SLC25A48: variants seen among roughly 807,000 people sequenced by gnomAD.
The protein encoded by SLC25A48 is solute carrier family 25 member 48, also known as CTC-321K16.1.
Under a neutral mutation model 32.2 loss-of-function variants are expected in SLC25A48, and 29 were observed. The observed-to-expected ratio is 0.90, with a 90% CI of 0.67 to 1.23. The LOEUF (loss-of-function observed/expected upper bound fraction) is 1.23. Among genes scored for constraint, SLC25A48 ranks in the 50% most tolerant of loss-of-function variants. The pLI is 0.00. For synonymous variants in SLC25A48, 164 were observed against 172.3 expected (o/e 0.95, Z 0.38); for missense variants, 399 against 422.7 (o/e 0.94, Z 0.49).
chr5:135,809,024 G>C (rs770303002), intron 3 of SLC25A48, among the ~76,000 whole-genome samples: 19 of 152,056 alleles, frequency 1.2e-4, no homozygotes, highest in Non-Finnish European at 2.1e-4. Flanking sequence ...TTATAGGCTG[G>C]GTCGGGGGGG....
intron 2 of SLC25A48, among the ~76,000 whole-genome samples, chr5:135,847,711 G>A (rs944975552): frequency 3.9e-5 from 6 of 152,102 alleles, no homozygotes; most frequent in East Asian, 1.9e-4. Context: ...CTGGGGCTCC[G>A]GGAAAGAGGG....
At chr5:135,642,778 C>G (rs564580720) in intron 3 of SLC25A48, among the ~76,000 whole-genome samples, 30 of 152,198 alleles carry the variant, frequency 2.0e-4, no homozygotes, top group African/African-American at 7.0e-4. Context: ...GCGAGTGGTT[C>G]CAGACAAAAG....
chr5:135,728,618 ACTATGTCT>A (rs1419114459), intron 3 of SLC25A48, among the ~76,000 whole-genome samples: 6 of 152,148 alleles, frequency 3.9e-5, no homozygotes. Flanking sequence ...ATATCTTAAA[ACTATGTCT>A]CTGAAAACAT....
chr5:135,672,430 C>T (rs2126943255), intron 3 of SLC25A48, among the ~76,000 whole-genome samples: 1 of 152,312 alleles, frequency 6.6e-6, no homozygotes, highest in Non-Finnish European at 1.5e-5. Flanking sequence ...ATTAGTCCAT[C>T]ACCAGACAGG....
intron 1 of SLC25A48, among the ~76,000 whole-genome samples, chr5:135,623,343 G>A (rs1400072108): frequency 6.6e-6 from 1 of 152,196 alleles, no homozygotes; most frequent in East Asian, 1.9e-4. Context: ...GGCCAAGACA[G>A]CTGGTGGGGA....
intron 3 of SLC25A48, among the ~76,000 whole-genome samples, chr5:135,808,555 T>C (rs1757523028): frequency 6.6e-6 from 1 of 152,160 alleles, no homozygotes; most frequent in Non-Finnish European, 1.5e-5. Context: ...GGCTGCCTTC[T>C]GCGTGTAGGC....
At chr5:135,831,832 T>C (rs1409695192), upstream of SLC25A48, among the ~76,000 whole-genome samples, 2 of 152,190 alleles carry the variant, frequency 1.3e-5, no homozygotes, top group African/African-American at 2.4e-5. Flanking sequence ...AGAAGCTCAC[T>C]GGGGCAGTAG....
chr5:135,671,498 C>A (rs1753653177), intron 3 of SLC25A48, among the ~76,000 whole-genome samples: 1 of 152,162 alleles, frequency 6.6e-6, no homozygotes, highest in Non-Finnish European at 1.5e-5. Context: ...GAAACCCACC[C>A]AAGAGTCTGT....
intron 3 of SLC25A48, among the ~76,000 whole-genome samples, chr5:135,661,734 T>C (rs1753401751): frequency 6.6e-6 from 1 of 152,176 alleles, no homozygotes; most frequent in African/African-American, 2.4e-5. Context: ...ACTATGCACA[T>C]TGCCTCACTA....
At chr5:135,747,000 G>GT (rs1036044373) in intron 3 of SLC25A48, among the ~76,000 whole-genome samples, 7 of 145,802 alleles carry the variant, frequency 4.8e-5, no homozygotes, top group South Asian at 2.1e-4. Context: ...TTTTGTTGTT[G>GT]TTTTTTTTTC....
At position 135,698,956 on chromosome 5, in the gene SLC25A48, C is replaced by T. The variant is rs536560596; in HGVS notation, c.-521+64000C>T. On this transcript the variant is annotated intron_variant, in intron 3 of 10. Coordinates refer to the SLC25A48 transcript ENST00000646290. Reference sequence around the variant, plus strand: ...TGAAAAGATGCTCCAGATCATTAGTCATCAGGGAAATGCAAATCAAACCCA... The same window carrying T: ...TGAAAAGATGCTCCAGATCATTAGTTATCAGGGAAATGCAAATCAAACCCA... Among the ~76,000 whole-genome samples, 3 of 152,276 alleles carry T rather than the reference C, an allele frequency of 2.0e-5. No homozygotes were observed. The South Asian group carries it at 6.2e-4, about 32-fold the overall frequency.
upstream of SLC25A48, among the ~76,000 whole-genome samples, chr5:135,832,572 G>A (rs995687481): frequency 1.3e-5 from 2 of 152,122 alleles, no homozygotes; most frequent in Non-Finnish European, 2.9e-5. Context: ...ATTGCTTCCT[G>A]TAGAACGATG....
rs899217925 is a variant in SLC25A48, at chr5:135,600,473, C to T, written c.-849+20876C>T. Among the ~76,000 whole-genome samples the T allele has an allele frequency of 3.3e-5, 5 of 152,174 alleles. No individual in the cohort carries two copies. In the South Asian group the frequency reaches 6.2e-4, roughly 19 times the overall value. On this transcript the variant is annotated intron_variant, in intron 1 of 10. Transcript: ENST00000646290. ...TGACAGGGAACACATCTTCTCTTCT[C>T]CTGCTCAGAATTGTGCCCATGCTGT...
intron 3 of SLC25A48, among the ~76,000 whole-genome samples, chr5:135,743,313 C>T (rs1014580965): frequency 6.6e-6 from 1 of 151,340 alleles, no homozygotes; most frequent in African/African-American, 2.4e-5. Flanking sequence ...CTCAAGTGAT[C>T]CACCCGCCTC....
chr5:135,877,456 C>G lies in SLC25A48; in HGVS notation c.814-2512C>G, dbSNP rs182375887. Among the ~76,000 whole-genome samples the G allele has an allele frequency of 4.6e-5, 7 of 151,770 alleles. No homozygotes were observed. The East Asian group carries it at 1.4e-3, about 30-fold the overall frequency. ...CCTGGGGAATCTGGAGCCTTCCTGT[C>G]ACTCCAGGAAACCTGAACTGCAGGC... On this transcript the variant is annotated intron_variant, in intron 6 of 7. Transcript: ENST00000681962.
At chr5:135,583,410 C>A (rs968721227) in intron 1 of SLC25A48, among the ~76,000 whole-genome samples, 3 of 151,944 alleles carry the variant, frequency 2.0e-5, no homozygotes, top group African/African-American at 7.3e-5. Flanking sequence ...GTTTTCTGCC[C>A]TGGGAGCTGG....
intron 3 of SLC25A48, among the ~76,000 whole-genome samples, chr5:135,642,317 G>C (rs951160022): frequency 6.6e-6 from 1 of 152,206 alleles, no homozygotes; most frequent in Non-Finnish European, 1.5e-5. Context: ...AAGGAGTGTT[G>C]CTCTCAAGTG....
At chr5:135,597,796 G>A (rs966520175) in intron 1 of SLC25A48, among the ~76,000 whole-genome samples, 2 of 152,164 alleles carry the variant, frequency 1.3e-5, no homozygotes, top group Admixed American at 1.3e-4. Flanking sequence ...CTGAGGTCAG[G>A]AATTTGAGAC....
chr5:135,697,336 A>AGCTCAGCTCT (rs1754293105), intron 3 of SLC25A48, among the ~76,000 whole-genome samples: 3 of 146,362 alleles, frequency 2.0e-5, no homozygotes, highest in Non-Finnish European at 4.6e-5. Context: ...AGCTTGGCTC[A>AGCTCAGCTCT]GCTCAGCTCT....
Sources: gnomAD v4.1 joint callset for allele counts (sites outside exome capture counted in the v4.1 genomes callset) on GRCh38, gnomAD v4.1.1 for gene constraint, MANE v1.5 for transcripts, NCBI Gene and HGNC (gene_info 2026-07-23, HGNC 2026-07-21) for gene names.